SCAPER: variants seen among roughly 807,000 people sequenced by gnomAD.
SCAPER encodes the protein S phase cyclin A-associated protein in the endoplasmic reticulum.
Under a neutral mutation model 182.2 loss-of-function variants are expected in SCAPER, and 98 were observed. That is an observed-to-expected ratio of 0.54 (90% CI 0.46 to 0.64). The LOEUF is 0.64. Ranked by LOEUF, SCAPER falls within the 30% of genes least tolerant of loss-of-function variation. SCAPER has a pLI of 0.00. For missense variants in SCAPER, 1,432 were observed against 1,690.0 expected (o/e 0.85, Z 2.68); for synonymous variants, 605 against 564.6 (o/e 1.07, Z -1.01).
chr15:76,399,320 T>A (rs1464738428), intron 27 of SCAPER, among the ~76,000 whole-genome samples: 1 of 152,068 alleles, frequency 6.6e-6, no homozygotes, highest in Non-Finnish European at 1.5e-5. Context: ...GTATTTTTAG[T>A]AGAGATGGGG....
chr15:76,675,088 C>G (rs1322856171), intron 20 of SCAPER, among the ~76,000 whole-genome samples: 1 of 152,202 alleles, frequency 6.6e-6, no homozygotes, highest in African/African-American at 2.4e-5. Context: ...ACAAGTTTAT[C>G]ACTGCAAGGT....
At chr15:76,612,674 G>T (rs1317913520) in intron 22 of SCAPER, among the ~76,000 whole-genome samples, 1 of 152,064 alleles carries the variant, frequency 6.6e-6, no homozygotes, top group Non-Finnish European at 1.5e-5. Flanking sequence ...ATTCCATACT[G>T]CCACAAAAAG....
At chr15:76,458,306 G>A (rs1023283388) in intron 25 of SCAPER, among the ~76,000 whole-genome samples, 25 of 151,702 alleles carry the variant, frequency 1.6e-4, no homozygotes, top group African/African-American at 5.6e-4. Flanking sequence ...AAGAGAGAGA[G>A]AAAAATTATA....
intron 22 of SCAPER, among the ~76,000 whole-genome samples, chr15:76,604,740 A>G: frequency 6.6e-6 from 1 of 151,964 alleles, no homozygotes; most frequent in Non-Finnish European, 1.5e-5. Flanking sequence ...GAGGTCCTTC[A>G]CATCCCTTGT....
chr15:76,673,451 C>T (rs781207349), intron 20 of SCAPER, among the ~76,000 whole-genome samples: 19 of 151,996 alleles, frequency 1.3e-4, no homozygotes, highest in Non-Finnish European at 2.5e-4. Context: ...GATGGTGGTA[C>T]TATTAGTAAT....
intron 20 of SCAPER, among the ~76,000 whole-genome samples, chr15:76,693,794 C>T (rs996914420): frequency 6.6e-6 from 1 of 151,884 alleles, no homozygotes; most frequent in Non-Finnish European, 1.5e-5. Flanking sequence ...TTCATAGAGA[C>T]AGAAATTAGA....
intron 2 of SCAPER, among the ~76,000 whole-genome samples, chr15:76,880,303 A>G (rs893280008): frequency 3.9e-5 from 6 of 152,160 alleles, no homozygotes; most frequent in African/African-American, 1.4e-4. Flanking sequence ...AAATGGGCAC[A>G]GACAAAAGTG....
chr15:76,746,790 C>T (rs1284645309), intron 15 of SCAPER, among the ~76,000 whole-genome samples: 2 of 152,140 alleles, frequency 1.3e-5, no homozygotes, highest in South Asian at 2.1e-4. Context: ...CAAAAGAACA[C>T]TTACAAATAA....
rs368899247 is a variant in SCAPER, at chr15:76,795,303, A to C, written c.749T>G (p.Val250Gly). The C allele has an allele frequency of 3.1e-6, 5 of 1,612,906 alleles. No individual in the cohort carries two copies. Among genetic ancestry groups the C allele is most frequent in the Non-Finnish European group, 2.5e-6 (3 of 1,179,214 alleles). ...GCCATTTTTGCGTGAGGCCTTCTGC[A>C]CTGTCATTGGTGGGCAAGACTGGGC... ...TPAQSCPPMTVQKASRKNERK... is the reference protein window; with the variant it reads ...TPAQSCPPMTGQKASRKNERK... The change falls in exon 8 of 32, where the codon GTG becomes GGG. Residue 250 changes from valine (V) to glycine (G), a missense_variant. Transcript: ENST00000563290.
chr15:76,818,234 GA>G (rs1486675308), intron 5 of SCAPER, among the ~76,000 whole-genome samples: 7 of 152,122 alleles, frequency 4.6e-5, no homozygotes, highest in Non-Finnish European at 8.8e-5. Context: ...GAATAAATGG[GA>G]CATCACATGC....
At chr15:76,518,586 G>A (rs1044241129) in intron 23 of SCAPER, among the ~76,000 whole-genome samples, 1 of 152,128 alleles carries the variant, frequency 6.6e-6, no homozygotes, top group Non-Finnish European at 1.5e-5. Flanking sequence ...CTGCTCTCTG[G>A]AGCTAGAGAC....
At chr15:76,746,755 TAAC>T (rs1266648966) in intron 15 of SCAPER, among the ~76,000 whole-genome samples, 3 of 152,178 alleles carry the variant, frequency 2.0e-5, no homozygotes, top group Non-Finnish European at 2.9e-5. Context: ...GAAATTAAGA[TAAC>T]AATATCATTT....
At chr15:76,675,949 C>G (rs535872129) in intron 20 of SCAPER, among the ~76,000 whole-genome samples, 2 of 152,004 alleles carry the variant, frequency 1.3e-5, no homozygotes, top group African/African-American at 4.8e-5. Context: ...CTCAGCCTCC[C>G]GAGTAGCTGG....
chr15:76,867,471 T>G (rs1397543014), intron 2 of SCAPER, among the ~76,000 whole-genome samples: 1 of 152,204 alleles, frequency 6.6e-6, no homozygotes, highest in Non-Finnish European at 1.5e-5. Context: ...TCCTGTTCAG[T>G]AATTTACGAT....
intron 23 of SCAPER, among the ~76,000 whole-genome samples, chr15:76,533,092 T>C (rs527968925): frequency 7.5e-4 from 114 of 152,314 alleles, no homozygotes; most frequent in African/African-American, 2.5e-3. Context: ...TGGGCAAGGA[T>C]GTTAAACAGT....
chr15:76,349,841 G>C (rs1172137210), intron 31 of SCAPER: 1 of 151,738 alleles, frequency 6.6e-6, no homozygotes, highest in African/African-American at 2.4e-5. Flanking sequence ...ACTTCCACAG[G>C]CCTCAGTCCA....
chr15:76,636,458 T>TAAA (rs201439664), intron 21 of SCAPER, among the ~76,000 whole-genome samples: 8 of 143,474 alleles, frequency 5.6e-5, no homozygotes, highest in Non-Finnish European at 1.2e-4. Flanking sequence ...ACCTTTAAAT[T>TAAA]AAAAAAAAAA....
intron 1 of SCAPER, among the ~76,000 whole-genome samples, chr15:76,886,702 G>A (rs531263978): frequency 3.3e-5 from 5 of 152,282 alleles, no homozygotes; most frequent in East Asian, 1.9e-4. Context: ...ACATACACCT[G>A]TATGCGCATT....
intron 27 of SCAPER, among the ~76,000 whole-genome samples, chr15:76,390,204 C>T (rs1459780825): frequency 6.6e-6 from 1 of 152,188 alleles, no homozygotes; most frequent in African/African-American, 2.4e-5. Context: ...GATCCTCCTA[C>T]CTCACCTCTC....
Sources: gnomAD v4.1 joint callset for allele counts (sites outside exome capture counted in the v4.1 genomes callset) on GRCh38, gnomAD v4.1.1 for gene constraint, MANE v1.5 for transcripts, NCBI Gene and HGNC (gene_info 2026-07-23, HGNC 2026-07-21) for gene names.